The following PARD3 variants were observed in gnomAD, a reference collection of about 807,000 sequenced individuals.
PARD3 encodes the protein partitioning defective 3 homolog.
A neutral mutation model predicts 155.4 loss-of-function variants in PARD3; 75 were observed. That is an observed-to-expected ratio of 0.48 (90% CI 0.40 to 0.58). PARD3 has a LOEUF of 0.58. Among genes scored for constraint, PARD3 ranks in the 20% least tolerant of loss-of-function variants. PARD3 has a pLI of 0.00. For synonymous variants in PARD3, 576 were observed against 610.5 expected (o/e 0.94, Z 0.83); for missense variants, 1,642 against 1,721.7 (o/e 0.95, Z 0.82).
intron 2 of PARD3, among the ~76,000 whole-genome samples, chr10:34,542,360 G>C (rs2083701794): frequency 6.6e-6 from 1 of 152,104 alleles, no homozygotes; most frequent in South Asian, 2.1e-4. Flanking sequence ...CAGTGTGTGA[G>C]ACATATTTGG....
At chr10:34,165,672 C>T (rs932060072) in intron 22 of PARD3, among the ~76,000 whole-genome samples, 13 of 152,208 alleles carry the variant, frequency 8.5e-5, no homozygotes, top group Admixed American at 8.5e-4. Context: ...TGTTTTTGGT[C>T]TTCACATTTC....
chr10:34,293,606 C>T (rs2582860), intron 20 of PARD3, among the ~76,000 whole-genome samples: 21,291 of 152,130 alleles, frequency 0.14, 1,769 homozygotes, highest in African/African-American at 0.23. Flanking sequence ...CACACAACTA[C>T]TTCTGTGGAT....
At chr10:34,673,438 A>C (rs1564489862) in intron 2 of PARD3, among the ~76,000 whole-genome samples, 2 of 152,248 alleles carry the variant, frequency 1.3e-5, no homozygotes, top group Non-Finnish European at 1.5e-5. Context: ...AATTGTATTT[A>C]AGTTTTGGAA....
intron 22 of PARD3, among the ~76,000 whole-genome samples, chr10:34,202,838 A>G (rs964294212): frequency 6.6e-6 from 1 of 152,192 alleles, no homozygotes; most frequent in East Asian, 1.9e-4. Flanking sequence ...ACATGAATCT[A>G]TTTCCCTTAC....
At chr10:34,558,688 T>C (rs780298830) in intron 2 of PARD3, among the ~76,000 whole-genome samples, 1 of 152,214 alleles carries the variant, frequency 6.6e-6, no homozygotes, top group Non-Finnish European at 1.5e-5. Context: ...CCCAGCACTT[T>C]GGGAGGCTGA....
chr10:34,645,479 T>C (rs2092809524), intron 2 of PARD3, among the ~76,000 whole-genome samples: 1 of 152,178 alleles, frequency 6.6e-6, no homozygotes, highest in South Asian at 2.1e-4. Context: ...GTGCTGGGAT[T>C]ACAGGTGTGA....
intron 22 of PARD3, among the ~76,000 whole-genome samples, chr10:34,145,189 G>GTATATATATATA (rs575139416): frequency 4.0e-5 from 2 of 49,614 alleles, no homozygotes; most frequent in African/African-American, 2.2e-4. Flanking sequence ...GTGTGTGTGT[G>GTATATATATATA]TATATATATA....
chr10:34,704,285 CA>C (rs940104937), intron 1 of PARD3, among the ~76,000 whole-genome samples: 1 of 152,076 alleles, frequency 6.6e-6, no homozygotes, highest in Non-Finnish European at 1.5e-5. Context: ...AGGAAAAACA[CA>C]AAAGTTGTGA....
intron 2 of PARD3, among the ~76,000 whole-genome samples, chr10:34,588,649 T>C (rs950782198): frequency 1.2e-4 from 19 of 152,276 alleles, no homozygotes; most frequent in African/African-American, 4.6e-4. Context: ...TTCTCCTTGC[T>C]TGGGGCCACG....
intron 1 of PARD3, among the ~76,000 whole-genome samples, chr10:34,734,169 A>G (rs539530980): frequency 1.6e-4 from 25 of 152,180 alleles, no homozygotes; most frequent in African/African-American, 5.3e-4. Flanking sequence ...AACTTTTACT[A>G]TAATGCCTTA....
intron 14 of PARD3, among the ~76,000 whole-genome samples, chr10:34,350,823 A>T (rs983077939): frequency 2.0e-5 from 3 of 152,290 alleles, no homozygotes; most frequent in South Asian, 2.1e-4. Flanking sequence ...AAGTCTTTCT[A>T]CCTATTAAAG....
chr10:34,346,787 T>C (rs1837478019), intron 15 of PARD3, among the ~76,000 whole-genome samples: 1 of 152,222 alleles, frequency 6.6e-6, no homozygotes, highest in South Asian at 2.1e-4. Flanking sequence ...GAAAGCTGGC[T>C]TGTCTAAGTT....
At chr10:34,609,066 T>C (rs1377871542) in intron 2 of PARD3, among the ~76,000 whole-genome samples, 1 of 152,294 alleles carries the variant, frequency 6.6e-6, no homozygotes, top group Admixed American at 6.5e-5. Flanking sequence ...ATTTAAAAAA[T>C]CTTTACAATC....
chr10:34,229,074 C>T (rs940863986), intron 22 of PARD3, among the ~76,000 whole-genome samples: 1 of 152,072 alleles, frequency 6.6e-6, no homozygotes, highest in African/African-American at 2.4e-5. Context: ...CCTCCAGCAA[C>T]TGGGTCCCCT....
chr10:34,697,771 TCACACA>T (rs145318885), intron 1 of PARD3, among the ~76,000 whole-genome samples: 1 of 150,312 alleles, frequency 6.7e-6, no homozygotes, highest in South Asian at 2.1e-4. Context: ...AAACAAACAC[TCACACA>T]CACACACACA....
At position 34,681,730 on chromosome 10, in the gene PARD3, T is replaced by TA. The variant is rs2093826746; in HGVS notation, c.222+14587_222+14588insT. On this transcript the variant is annotated intron_variant, in intron 2 of 24. Transcript: ENST00000374788. ...TATATATGTATTTTACGTATGTATT[T>TA]TATATATATATATATATATATATAT... 2.1e-3 allele frequency among the ~76,000 whole-genome samples: 64 copies of TA among 29,972 alleles called. 1 individual carries two copies. The highest frequency in any genetic ancestry group is 0.018 in the Middle Eastern group (1 of 56). The allele number at this position is 29,972 out of a possible 152,430, so 19.7% of individuals were successfully genotyped here. A position where few individuals can be genotyped will look rare whatever the true frequency, so the allele number is the denominator to read the frequency against.
chr10:34,364,198 T>C (rs1312754604), intron 12 of PARD3, among the ~76,000 whole-genome samples: 1 of 152,102 alleles, frequency 6.6e-6, no homozygotes, highest in African/African-American at 2.4e-5. Flanking sequence ...ATGGGAAGGG[T>C]AATCTCTGAG....
chr10:34,457,943 A>T (rs530083362), intron 4 of PARD3, among the ~76,000 whole-genome samples: 1 of 152,248 alleles, frequency 6.6e-6, no homozygotes, highest in South Asian at 2.1e-4. Context: ...CTCATTCTTA[A>T]TCTAACATGG....
intron 1 of PARD3, among the ~76,000 whole-genome samples, chr10:34,733,327 CA>C (rs2094851680): frequency 6.6e-6 from 1 of 152,184 alleles, no homozygotes; most frequent in South Asian, 2.1e-4. Context: ...AAGTCCCTTA[CA>C]ATCACTCTTC....
Sources: gnomAD v4.1 joint callset for allele counts (sites outside exome capture counted in the v4.1 genomes callset) on GRCh38, gnomAD v4.1.1 for gene constraint, MANE v1.5 for transcripts, NCBI Gene and HGNC (gene_info 2026-07-23, HGNC 2026-07-21) for gene names.